The following UNC13C variants were observed in gnomAD, a reference collection of about 807,000 sequenced individuals.
UNC13C encodes unc-13 homolog C.
A neutral mutation model predicts 245.4 loss-of-function variants in UNC13C; 174 were observed. That is an observed-to-expected ratio of 0.71 (90% CI 0.63 to 0.80). The LOEUF is 0.80. Ranked by LOEUF, UNC13C falls within the 30% of genes least tolerant of loss-of-function variation. UNC13C has a pLI of 0.00. For missense variants in UNC13C, 2,829 were observed against 2,602.9 expected (o/e 1.09, Z -1.89); for synonymous variants, 992 against 895.1 (o/e 1.11, Z -1.93).
At chr15:54,257,340 C>A (rs12902524) in intron 8 of UNC13C, among the ~76,000 whole-genome samples, 65,071 of 151,970 alleles carry the variant, frequency 0.43, 14,555 homozygotes, top group African/African-American at 0.54. Flanking sequence ...GATGACTGGG[C>A]AACCTCTAGA....
intron 1 of UNC13C, among the ~76,000 whole-genome samples, chr15:54,009,364 C>T (rs1391892384): frequency 1.3e-5 from 2 of 152,150 alleles, no homozygotes; most frequent in Admixed American, 6.6e-5. Flanking sequence ...TTTTTCACTA[C>T]TCTTCTCAGC....
intron 30 of UNC13C, among the ~76,000 whole-genome samples, chr15:54,581,081 G>A (rs1011192848): frequency 6.6e-6 from 1 of 152,200 alleles, no homozygotes; most frequent in Non-Finnish European, 1.5e-5. Flanking sequence ...ATCCAGGGTA[G>A]TTTATGCTAG....
chr15:54,199,695 A>C (rs570596484), intron 4 of UNC13C, among the ~76,000 whole-genome samples: 1 of 152,162 alleles, frequency 6.6e-6, no homozygotes, highest in African/African-American at 2.4e-5. Context: ...GAGGAGCTCT[A>C]AATCTTGAGA....
In UNC13C at chr15:54,007,055, G is replaced by T. The variant is rs142438055; in HGVS notation, c.-256-5593G>T. Among the ~76,000 whole-genome samples, 104 of 152,314 alleles carry T rather than the reference G, an allele frequency of 6.8e-4. No homozygotes were observed. In the East Asian group the frequency reaches 0.018, roughly 27 times the overall value. On this transcript the variant is annotated intron_variant, in intron 1 of 32. Coordinates refer to ENST00000260323, the MANE Select transcript of UNC13C (RefSeq NM_001080534.3). ...ATCACCAAGAATTTACTGTTGAACA[G>T]ATATGTGGTGAACCATATTTATGTA...
intron 6 of UNC13C, 109 bp from the exon 7 acceptor site, chr15:54,237,509 TA>T (rs1441140697): frequency 2.4e-6 from 2 of 835,188 alleles, no homozygotes; most frequent in South Asian, 2.9e-5. Context: ...CCTTACTAAC[TA>T]AAATATGAAC....
At chr15:54,248,125 A>T (rs1279225298) in intron 7 of UNC13C, among the ~76,000 whole-genome samples, 1 of 152,150 alleles carries the variant, frequency 6.6e-6, no homozygotes, top group Non-Finnish European at 1.5e-5. Flanking sequence ...TGTAAGGTAC[A>T]TTACTTACTT....
At chr15:54,312,546 G>C (rs1415270888) in intron 13 of UNC13C, among the ~76,000 whole-genome samples, 1 of 151,680 alleles carries the variant, frequency 6.6e-6, no homozygotes, top group African/African-American at 2.4e-5. Flanking sequence ...TAATCCCCAG[G>C]GTATATTGTT....
the UNC13C span, among the ~76,000 whole-genome samples, chr15:53,960,128 A>G: frequency 3.7e-3 from 560 of 152,242 alleles, 4 homozygotes; most frequent in African/African-American, 0.013. Context: ...ATTTCATGCA[A>G]TTACAAAGGT....
At chr15:53,850,192 G>A in the UNC13C span, among the ~76,000 whole-genome samples, 2 of 151,986 alleles carry the variant, frequency 1.3e-5, no homozygotes, top group South Asian at 4.1e-4. Flanking sequence ...GAGGCAGGAG[G>A]ATCAATTGAG....
the UNC13C span, among the ~76,000 whole-genome samples, chr15:53,932,778 C>A: frequency 6.6e-6 from 1 of 152,138 alleles, no homozygotes; most frequent in African/African-American, 2.4e-5. Context: ...TGATTCTAAG[C>A]CCTTAAGTCC....
chr15:54,433,844 A>C (rs1245901980), intron 19 of UNC13C, among the ~76,000 whole-genome samples: 8 of 152,046 alleles, frequency 5.3e-5, no homozygotes, highest in Non-Finnish European at 1.2e-4. Context: ...CGATTGTCTC[A>C]GCCCAAAATT....
chr15:54,023,977 A>G (rs1896001903), intron 2 of UNC13C, among the ~76,000 whole-genome samples: 1 of 152,212 alleles, frequency 6.6e-6, no homozygotes, highest in Non-Finnish European at 1.5e-5. Flanking sequence ...TATAGAAATT[A>G]TAAATCATTT....
intron 17 of UNC13C, among the ~76,000 whole-genome samples, chr15:54,352,371 G>A (rs1043855033): frequency 2.0e-5 from 3 of 147,964 alleles, no homozygotes; most frequent in Admixed American, 6.8e-5. Flanking sequence ...GAGAGAGTGA[G>A]TCAGGTTATC....
intron 2 of UNC13C, among the ~76,000 whole-genome samples, chr15:54,016,906 C>T (rs892074681): frequency 2.0e-5 from 3 of 152,110 alleles, no homozygotes; most frequent in Non-Finnish European, 2.9e-5. Flanking sequence ...GTGTATATGA[C>T]CAAGTGTTAC....
chr15:54,156,692 T>G, intron 4 of UNC13C, among the ~76,000 whole-genome samples: 1 of 151,502 alleles, frequency 6.6e-6, no homozygotes, highest in Non-Finnish European at 1.5e-5. Context: ...ATCTGCAAAA[T>G]CTCTTTGCAA....
At chr15:53,850,165 T>C in the UNC13C span, among the ~76,000 whole-genome samples, 1 of 152,012 alleles carries the variant, frequency 6.6e-6, no homozygotes, top group South Asian at 2.1e-4. Flanking sequence ...CCTCTAATCC[T>C]GACACTTTGG....
chr15:54,234,973 T>C (rs567379494), intron 4 of UNC13C, 57 bp from the exon 5 acceptor site: 1 of 1,504,586 alleles, frequency 6.6e-7, no homozygotes, highest in Non-Finnish European at 9.2e-7. Flanking sequence ...AGTGGATGTT[T>C]TTCTTACAAG....
At chr15:54,470,355 T>C (rs1409038367) in intron 19 of UNC13C, among the ~76,000 whole-genome samples, 7 of 151,630 alleles carry the variant, frequency 4.6e-5, no homozygotes, top group African/African-American at 1.2e-4. Flanking sequence ...TAAAATTCAG[T>C]TGTGATGCTT....
chr15:53,970,570 A>C, the UNC13C span, among the ~76,000 whole-genome samples: 3 of 152,134 alleles, frequency 2.0e-5, no homozygotes, highest in Non-Finnish European at 4.4e-5. Flanking sequence ...TCCACAAACT[A>C]ATGCAGAAAC....
Sources: gnomAD v4.1 joint callset for allele counts (sites outside exome capture counted in the v4.1 genomes callset) on GRCh38, gnomAD v4.1.1 for gene constraint, MANE v1.5 for transcripts, NCBI Gene and HGNC (gene_info 2026-07-23, HGNC 2026-07-21) for gene names.